LIN52: variants seen among roughly 807,000 people sequenced by gnomAD.
The protein encoded by LIN52 is protein lin-52 homolog.
LIN52 carries 4 observed loss-of-function variants against 18.5 expected under a neutral mutation model. The observed-to-expected ratio is 0.22, with a 90% CI of 0.11 to 0.49. The LOEUF (loss-of-function observed/expected upper bound fraction) is 0.49, where lower values mean the gene tolerates loss of function less well. LIN52 is among the 20% of genes least tolerant of loss of function. The pLI, the probability that LIN52 is intolerant of heterozygous loss-of-function variation, is 0.97. For missense variants in LIN52, 102 were observed against 139.5 expected (o/e 0.73, Z 1.35); for synonymous variants, 34 against 45.5 (o/e 0.75, Z 1.02).
intron 1 of LIN52, among the ~76,000 whole-genome samples, chr14:74,090,018 C>CTT (rs34660535): frequency 0.02 from 2,465 of 125,792 alleles, 114 homozygotes; most frequent in African/African-American, 0.067. Context: ...ACAGTGCACT[C>CTT]TTTTTTTTTT....
At chr14:74,105,824 A>G (rs1419699445) in intron 5 of LIN52, among the ~76,000 whole-genome samples, 1 of 152,258 alleles carries the variant, frequency 6.6e-6, no homozygotes, top group Non-Finnish European at 1.5e-5. Flanking sequence ...TGTCCTCAAA[A>G]CATGATTGTT....
At chr14:74,089,258 A>G (rs1189023993) in intron 1 of LIN52, among the ~76,000 whole-genome samples, 1 of 152,144 alleles carries the variant, frequency 6.6e-6, no homozygotes, top group Admixed American at 6.6e-5. Flanking sequence ...GAAGGATGAC[A>G]TCTGGGTTTT....
chr14:74,174,765 A>T (rs2061285216), intron 5 of LIN52: 1 of 138,382 alleles, frequency 7.2e-6, no homozygotes, highest in African/African-American at 2.7e-5. Context: ...AAAAAAACAA[A>T]AACTAAAACA....
At chr14:74,094,821 G>A (rs1595146277) in intron 2 of LIN52, among the ~76,000 whole-genome samples, 1 of 151,544 alleles carries the variant, frequency 6.6e-6, no homozygotes, top group Non-Finnish European at 1.5e-5. Context: ...TCCACCTCCC[G>A]GGTTCAAGCA....
chr14:74,097,656 G>A (rs916981029), intron 3 of LIN52, 138 bp from the exon 4 acceptor site: 6 of 571,328 alleles, frequency 1.1e-5, no homozygotes, highest in South Asian at 6.9e-5. Context: ...GGCGGGTCTC[G>A]AACTCCTGAC....
At chr14:74,093,217 A>G (rs67852564) in intron 2 of LIN52, among the ~76,000 whole-genome samples, 34,057 of 150,964 alleles carry the variant, frequency 0.23, 4,154 homozygotes, top group South Asian at 0.46. Flanking sequence ...AAAGTGCCGA[A>G]ATTTCAGGAG....
chr14:74,175,477 G>A (rs545479023), intron 5 of LIN52, among the ~76,000 whole-genome samples: 2 of 150,858 alleles, frequency 1.3e-5, no homozygotes, highest in South Asian at 4.2e-4. Flanking sequence ...AGGATCACTT[G>A]AAGCCAGGAG....
At chr14:74,133,600 G>A (rs1236503381) in intron 5 of LIN52, among the ~76,000 whole-genome samples, 1 of 152,202 alleles carries the variant, frequency 6.6e-6, no homozygotes, top group Non-Finnish European at 1.5e-5. Context: ...TCTTATTCTA[G>A]TATCAAACAT....
intron 4 of LIN52, among the ~76,000 whole-genome samples, chr14:74,100,329 A>G (rs915027712): frequency 6.6e-6 from 1 of 152,056 alleles, no homozygotes; most frequent in Admixed American, 6.6e-5. Flanking sequence ...TTTATTTGAG[A>G]AAAGGTCTCA....
In LIN52 at chr14:74,199,535, C is replaced by G. The variant is rs2078934163; in HGVS notation, c.*558C>G. ...ACCAGAATCTTCTCGAAATGTATAT[C>G]TGTTTTTTAAAACTTCTATACCTCT... On this transcript the variant is annotated 3_prime_UTR_variant, in exon 6 of 6. Coordinates refer to ENST00000555028, the MANE Select transcript of LIN52 (RefSeq NM_001024674.3). The G allele has an allele frequency of 6.6e-6, 1 of 152,282 alleles. No homozygotes were observed. The highest frequency in any genetic ancestry group is 6.5e-5 in the Admixed American group (1 of 15,280). 9.4% of individuals were successfully genotyped at this position (152,282 alleles called of 1,614,324 possible).
chr14:74,119,885 G>T (rs1206763437), intron 5 of LIN52, among the ~76,000 whole-genome samples: 1 of 150,714 alleles, frequency 6.6e-6, no homozygotes, highest in Non-Finnish European at 1.5e-5. Flanking sequence ...GCCCAGGCTG[G>T]AGTGCAATGG....
intron 5 of LIN52, among the ~76,000 whole-genome samples, chr14:74,145,272 A>G (rs1233533012): frequency 3.3e-5 from 5 of 152,194 alleles, no homozygotes; most frequent in Non-Finnish European, 5.9e-5. Flanking sequence ...TTGCCAACTC[A>G]TCTGTGAGTC....
At chr14:74,110,215 C>T (rs2060918356) in intron 5 of LIN52, among the ~76,000 whole-genome samples, 1 of 152,108 alleles carries the variant, frequency 6.6e-6, no homozygotes, top group African/African-American at 2.4e-5. Context: ...TTTAATGGGA[C>T]TGTTATTTGG....
intron 4 of LIN52, among the ~76,000 whole-genome samples, chr14:74,100,255 T>C (rs773178063): frequency 1.3e-5 from 2 of 152,212 alleles, no homozygotes; most frequent in Admixed American, 6.5e-5. Flanking sequence ...TCCAAACAAA[T>C]GTTATAAATA....
chr14:74,146,217 T>C (rs920770731), intron 5 of LIN52, among the ~76,000 whole-genome samples: 1 of 152,202 alleles, frequency 6.6e-6, no homozygotes, highest in Non-Finnish European at 1.5e-5. Flanking sequence ...TTGATGAACA[T>C]GTTTGATAAA....
intron 5 of LIN52, among the ~76,000 whole-genome samples, chr14:74,120,681 G>A (rs1331154693): frequency 1.1e-4 from 17 of 151,928 alleles, no homozygotes; most frequent in Admixed American, 1.1e-3. Flanking sequence ...CTTGAACCTG[G>A]GAGGCGGAGG....
At chr14:74,140,621 G>C (rs62005155) in intron 5 of LIN52, among the ~76,000 whole-genome samples, 34,109 of 152,058 alleles carry the variant, frequency 0.22, 4,156 homozygotes, top group South Asian at 0.46. Flanking sequence ...GTGACTGTCC[G>C]TCACGAAAAG....
At chr14:74,138,178 T>C (rs1420627978) in intron 5 of LIN52, among the ~76,000 whole-genome samples, 1 of 152,214 alleles carries the variant, frequency 6.6e-6, no homozygotes, top group East Asian at 1.9e-4. Context: ...GCTCCCTTTC[T>C]GAGCATGTGT....
chr14:74,151,125 A>G lies in LIN52; in HGVS notation c.284-47797A>G, dbSNP rs1190010777. 2.0e-5 allele frequency among the ~76,000 whole-genome samples: 3 copies of G among 152,202 alleles called. No homozygotes were observed. The East Asian group carries it at 5.8e-4, about 29-fold the overall frequency. On this transcript the variant is annotated intron_variant, in intron 5 of 5. Transcript: ENST00000555028. The stretch of plus-strand genomic sequence containing the variant: ...GAAAGGGTGGTGATGAATGTGATTC[A>G]GTAGATGGCAGTATTCCCTTTGAAG...
Sources: gnomAD v4.1 joint callset for allele counts (sites outside exome capture counted in the v4.1 genomes callset) on GRCh38, gnomAD v4.1.1 for gene constraint, MANE v1.5 for transcripts, NCBI Gene and HGNC (gene_info 2026-07-23, HGNC 2026-07-21) for gene names.